GALNT13: variants seen among roughly 807,000 people sequenced by gnomAD.
The protein encoded by GALNT13 is UDP-GalNAc:polypeptide N-acetylgalactosaminyltransferase 13.
In GALNT13, 28 loss-of-function variants were observed where a neutral mutation model predicts 64.2. The ratio of observed to expected loss-of-function variants is 0.44; its 90% confidence interval spans 0.32 to 0.60. The LOEUF is 0.60. Among genes scored for constraint, GALNT13 ranks in the 20% least tolerant of loss-of-function variants. The pLI, the probability that GALNT13 is intolerant of heterozygous loss-of-function variation, is 0.05. For missense variants in GALNT13, 577 were observed against 669.8 expected, an observed-to-expected ratio of 0.86 and a Z score of 1.53; for synonymous variants, 214 against 224.6, an observed-to-expected ratio of 0.95 and a Z score of 0.42.
At chr2:154,356,963 A>G (rs1346919278) in intron 9 of GALNT13, among the ~76,000 whole-genome samples, 2 of 152,026 alleles carry the variant, frequency 1.3e-5, no homozygotes, top group African/African-American at 4.8e-5. Flanking sequence ...ATATAAATAT[A>G]GATATTTGAT....
At chr2:154,137,825 A>G (rs1683040169) in intron 3 of GALNT13, among the ~76,000 whole-genome samples, 1 of 152,012 alleles carries the variant, frequency 6.6e-6, no homozygotes, top group Non-Finnish European at 1.5e-5. Flanking sequence ...AGGGATCAGA[A>G]CATGCATCCC....
In GALNT13 at chr2:154,148,081, C is replaced by G. The variant is rs141829413; in HGVS notation, c.311+7576C>G. On this transcript the variant is annotated intron_variant, in intron 4 of 12. Coordinates refer to ENST00000392825, the MANE Select transcript of GALNT13 (RefSeq NM_052917.4). ...TATCCCTCCACCCTCCACCTTCCCC[C>G]CTCCCCACAACAGTCCCCAGAGTGT... Among the ~76,000 whole-genome samples the G allele has an allele frequency of 5.1e-3, 776 of 152,144 alleles. 4 individuals are homozygous for G. Among genetic ancestry groups the G allele is most frequent in the African/African-American group, 0.018 (731 of 41,494 alleles).
At chr2:153,778,882 A>T in the GALNT13 span, among the ~76,000 whole-genome samples, 1 of 152,176 alleles carries the variant, frequency 6.6e-6, no homozygotes, top group Admixed American at 6.5e-5. Flanking sequence ...TTTGAAAGCT[A>T]GATGTTAATT....
the GALNT13 span, among the ~76,000 whole-genome samples, chr2:153,698,100 A>T: frequency 6.6e-6 from 1 of 152,230 alleles, no homozygotes; most frequent in Admixed American, 6.5e-5. Context: ...GGAAGCACTA[A>T]ATATGGAAAG....
the GALNT13 span, among the ~76,000 whole-genome samples, chr2:153,800,330 G>T: frequency 6.6e-6 from 1 of 152,072 alleles, no homozygotes; most frequent in Non-Finnish European, 1.5e-5. Context: ...GATCATCTGA[G>T]CCTTCAGTTA....
At chr2:153,442,864 C>T in the GALNT13 span, among the ~76,000 whole-genome samples, 4 of 152,166 alleles carry the variant, frequency 2.6e-5, no homozygotes, top group Non-Finnish European at 5.9e-5. Flanking sequence ...AAACCGCCTA[C>T]TCAAGCCTCA....
intron 9 of GALNT13, among the ~76,000 whole-genome samples, chr2:154,334,643 A>G (rs1449145504): frequency 6.6e-6 from 1 of 151,970 alleles, no homozygotes; most frequent in Non-Finnish European, 1.5e-5. Flanking sequence ...AGCAATCACT[A>G]CAGTTTGTTG....
At chr2:153,684,170 T>C in the GALNT13 span, among the ~76,000 whole-genome samples, 8 of 151,640 alleles carry the variant, frequency 5.3e-5, no homozygotes, top group Non-Finnish European at 1.2e-4. Context: ...GAAATTATAG[T>C]TTGATGTGAA....
chr2:153,740,000 A>G, the GALNT13 span, among the ~76,000 whole-genome samples: 1 of 151,936 alleles, frequency 6.6e-6, no homozygotes, highest in Non-Finnish European at 1.5e-5. Context: ...TAAAAATTCT[A>G]TTTCTTCAAT....
chr2:153,774,641 A>C, the GALNT13 span, among the ~76,000 whole-genome samples: 65,422 of 152,070 alleles, frequency 0.43, 15,443 homozygotes, highest in African/African-American at 0.62. Context: ...CACACCTGTA[A>C]TCATAGAAGT....
the GALNT13 span, among the ~76,000 whole-genome samples, chr2:153,156,983 A>C: frequency 2.0e-4 from 31 of 152,296 alleles, no homozygotes; most frequent in Middle Eastern, 3.4e-3. Context: ...ATCTCAAAAG[A>C]GTTGGAAATG....
At chr2:153,081,823 C>G in the GALNT13 span, among the ~76,000 whole-genome samples, 4 of 152,132 alleles carry the variant, frequency 2.6e-5, no homozygotes, top group Non-Finnish European at 5.9e-5. Context: ...AGTGCTGCAA[C>G]AAACATGGGA....
the GALNT13 span, among the ~76,000 whole-genome samples, chr2:153,286,150 G>C: frequency 6.6e-6 from 1 of 152,078 alleles, no homozygotes; most frequent in African/African-American, 2.4e-5. Flanking sequence ...TGAATTAATA[G>C]AAGTATGTAA....
chr2:154,250,066 T>C (rs376100467), intron 7 of GALNT13, among the ~76,000 whole-genome samples: 1 of 152,102 alleles, frequency 6.6e-6, no homozygotes, highest in Non-Finnish European at 1.5e-5. Context: ...GCTCCTCCAA[T>C]TGAGAAATTA....
chr2:154,158,887 T>C (rs1016594643), intron 4 of GALNT13, among the ~76,000 whole-genome samples: 2 of 152,128 alleles, frequency 1.3e-5, no homozygotes, highest in East Asian at 1.9e-4. Context: ...TTAACCCATT[T>C]ATCATCTCTC....
At chr2:154,282,633 T>C (rs1692023801) in intron 8 of GALNT13, among the ~76,000 whole-genome samples, 1 of 151,774 alleles carries the variant, frequency 6.6e-6, no homozygotes, top group South Asian at 2.1e-4. Context: ...TTTGTGTCTA[T>C]TTCAAGAACA....
chr2:153,240,877 A>G, the GALNT13 span, among the ~76,000 whole-genome samples: 18 of 152,130 alleles, frequency 1.2e-4, no homozygotes, highest in African/African-American at 4.3e-4. Context: ...CTGTAGCCCC[A>G]TGGTGGGGTG....
At chr2:154,426,278 T>C (rs541866488) in intron 11 of GALNT13, among the ~76,000 whole-genome samples, 5 of 152,216 alleles carry the variant, frequency 3.3e-5, no homozygotes, top group Non-Finnish European at 7.3e-5. Flanking sequence ...ATGTGCCATG[T>C]AGCTCTCTCC....
chr2:154,338,560 G>A (rs1695581015), intron 9 of GALNT13, among the ~76,000 whole-genome samples: 1 of 152,060 alleles, frequency 6.6e-6, no homozygotes, highest in Non-Finnish European at 1.5e-5. Flanking sequence ...CACCATGCAG[G>A]GCCACATGAG....
Sources: allele counts gnomAD v4.1 joint callset (sites outside exome capture counted in the v4.1 genomes callset), GRCh38; gene constraint gnomAD v4.1.1; transcripts MANE v1.5; gene names NCBI Gene and HGNC (gene_info 2026-07-23, HGNC 2026-07-21).